ARHGAP15: variants seen among roughly 807,000 people sequenced by gnomAD.
The protein encoded by ARHGAP15 is Rho GTPase activating protein 15, also known as rho GTPase-activating protein 15.
ARHGAP15 carries 51 observed loss-of-function variants against 63.7 expected under a neutral mutation model. The ratio of observed to expected loss-of-function variants is 0.80; its 90% CI spans 0.64 to 1.01. The LOEUF (loss-of-function observed/expected upper bound fraction) is 1.01, where lower values mean the gene tolerates loss of function less well. ARHGAP15 is among the 50% of genes least tolerant of loss of function. ARHGAP15 has a pLI of 0.00. For missense variants in ARHGAP15, 560 were observed against 564.6 expected, an observed-to-expected ratio of 0.99 and a Z score of 0.08; for synonymous variants, 191 against 193.8, an observed-to-expected ratio of 0.99 and a Z score of 0.12.
intron 6 of ARHGAP15, among the ~76,000 whole-genome samples, chr2:143,426,071 G>A (rs1689127337): frequency 2.0e-5 from 3 of 152,144 alleles, no homozygotes; most frequent in Admixed American, 6.6e-5. Flanking sequence ...TCCCAGGACA[G>A]AGTATCAGGA....
chr2:143,598,580 G>A (rs1450351147), intron 11 of ARHGAP15, among the ~76,000 whole-genome samples: 1 of 152,060 alleles, frequency 6.6e-6, no homozygotes, highest in Non-Finnish European at 1.5e-5. Flanking sequence ...CCTTTACTAT[G>A]CCTGGCCTGA....
At chr2:143,669,514 G>A (rs1682410682) in intron 12 of ARHGAP15, among the ~76,000 whole-genome samples, 2 of 152,294 alleles carry the variant, frequency 1.3e-5, no homozygotes, top group South Asian at 4.1e-4. Context: ...ACAGCCACAA[G>A]TATAGGTACC....
intron 4 of ARHGAP15, among the ~76,000 whole-genome samples, chr2:143,218,988 T>C (rs923774810): frequency 6.6e-6 from 1 of 152,258 alleles, no homozygotes. Flanking sequence ...ACTATCTATA[T>C]GTCGTCCATT....
intron 1 of ARHGAP15, among the ~76,000 whole-genome samples, chr2:143,142,613 T>A (rs1374841502): frequency 6.6e-6 from 1 of 152,112 alleles, no homozygotes; most frequent in Non-Finnish European, 1.5e-5. Flanking sequence ...AGGGTATGGA[T>A]CAGAATGTGT....
intron 13 of ARHGAP15, among the ~76,000 whole-genome samples, chr2:143,756,461 A>G (rs907156449): frequency 1.2e-4 from 18 of 152,122 alleles, no homozygotes; most frequent in African/African-American, 4.1e-4. Context: ...AGTACTCCCA[A>G]CATAATATAT....
intron 1 of ARHGAP15, among the ~76,000 whole-genome samples, chr2:143,143,931 A>G (rs1264618139): frequency 6.6e-6 from 1 of 151,942 alleles, no homozygotes; most frequent in Non-Finnish European, 1.5e-5. Context: ...TCCAAACTCC[A>G]GTAGGCCCCA....
intron 8 of ARHGAP15, among the ~76,000 whole-genome samples, chr2:143,439,422 C>CAAAAAAAAAAAA (rs529113949): frequency 0.023 from 715 of 31,736 alleles, 144 homozygotes; most frequent in African/African-American, 0.047. Context: ...GACTCTGTCT[C>CAAAAAAAAAAAA]AAAAAAAAAA....
At chr2:143,542,639 AATAT>A (rs879936225) in intron 10 of ARHGAP15, among the ~76,000 whole-genome samples, 6 of 143,978 alleles carry the variant, frequency 4.2e-5, no homozygotes, top group African/African-American at 1.0e-4. Context: ...TATGATTTAA[AATAT>A]ATATATGATA....
intron 12 of ARHGAP15, among the ~76,000 whole-genome samples, chr2:143,642,073 A>C (rs576362027): frequency 6.6e-6 from 1 of 152,134 alleles, no homozygotes; most frequent in Non-Finnish European, 1.5e-5. Context: ...TATTAAGAGA[A>C]TATAAGTATG....
chr2:143,152,340 G>A (rs1397037895), intron 1 of ARHGAP15, among the ~76,000 whole-genome samples: 1 of 151,798 alleles, frequency 6.6e-6, no homozygotes, highest in Non-Finnish European at 1.5e-5. Context: ...CAAATCCTTT[G>A]CCAGAAATGT....
chr2:143,271,827 A>G lies in ARHGAP15; in HGVS notation c.474+21227A>G, dbSNP rs908230887. Among the ~76,000 whole-genome samples the G allele has an allele frequency of 4.6e-5, 7 of 152,228 alleles. No individual in the cohort carries two copies. In the South Asian group the frequency reaches 1.4e-3, roughly 32 times the overall value. ...AATCTACTTGAGTTCTAACAAACTC[A>G]TTCACTCTCATCTTGAAGGAAAATC... On this transcript the variant is annotated intron_variant, in intron 6 of 13. Transcript: ENST00000295095.
At chr2:143,729,211 G>A (rs1396896483) in intron 13 of ARHGAP15, among the ~76,000 whole-genome samples, 1 of 152,190 alleles carries the variant, frequency 6.6e-6, no homozygotes, top group African/African-American at 2.4e-5. Flanking sequence ...AGCAAACACA[G>A]TTTTAGACCC....
chr2:143,258,258 T>C (rs997820362), intron 6 of ARHGAP15, among the ~76,000 whole-genome samples: 8 of 151,578 alleles, frequency 5.3e-5, no homozygotes, highest in African/African-American at 1.7e-4. Flanking sequence ...AATACATATA[T>C]ATATATATGT....
intron 10 of ARHGAP15, among the ~76,000 whole-genome samples, chr2:143,541,150 T>C (rs555041888): frequency 4.6e-5 from 7 of 152,344 alleles, no homozygotes; most frequent in African/African-American, 1.2e-4. Flanking sequence ...CTGATACCCT[T>C]TCTGCCAGTT....
chr2:143,374,700 A>C (rs1205188633), intron 6 of ARHGAP15, among the ~76,000 whole-genome samples: 1 of 152,060 alleles, frequency 6.6e-6, no homozygotes, highest in East Asian at 1.9e-4. Context: ...ATAGGGTCTC[A>C]CTGTGTTGTC....
intron 2 of ARHGAP15, among the ~76,000 whole-genome samples, chr2:143,156,853 T>C (rs1370694065): frequency 6.6e-6 from 1 of 151,960 alleles, no homozygotes. Flanking sequence ...ACTGCCAGCC[T>C]GACTTTGCTT....
chr2:143,525,919 A>G (rs1401838027), intron 10 of ARHGAP15, among the ~76,000 whole-genome samples: 1 of 152,208 alleles, frequency 6.6e-6, no homozygotes, highest in Non-Finnish European at 1.5e-5. Flanking sequence ...ACAAATGTGG[A>G]TAAGAGGACA....
chr2:143,465,703 A>AC (rs1691167075), intron 8 of ARHGAP15, among the ~76,000 whole-genome samples: 1 of 3,032 alleles, frequency 3.3e-4, no homozygotes, highest in African/African-American at 3.7e-4. Flanking sequence ...ATAAAGCAAG[A>AC]AAAATAAGTT....
intron 11 of ARHGAP15, among the ~76,000 whole-genome samples, chr2:143,578,406 T>G (rs894658505): frequency 6.6e-6 from 1 of 152,142 alleles, no homozygotes; most frequent in Non-Finnish European, 1.5e-5. Context: ...AAGGTAAATA[T>G]TGAGAGGGCC....
Sources: gnomAD v4.1 joint callset for allele counts (sites outside exome capture counted in the v4.1 genomes callset) on GRCh38, gnomAD v4.1.1 for gene constraint, MANE v1.5 for transcripts, NCBI Gene and HGNC (gene_info 2026-07-23, HGNC 2026-07-21) for gene names.